The following LY6G5B variants were observed in gnomAD, a reference collection of about 807,000 sequenced individuals.
LY6G5B encodes the protein lymphocyte antigen 6 complex locus protein G5b.
Under a neutral mutation model 6.7 loss-of-function variants are expected in LY6G5B, and 6 were observed. That is an observed-to-expected ratio of 0.89 (90% CI 0.49 to 1.76). The LOEUF (loss-of-function observed/expected upper bound fraction) is 1.76, where lower values mean the gene tolerates loss of function less well. Among genes scored for constraint, LY6G5B ranks in the 40% most tolerant of loss-of-function variants. The pLI, the probability that LY6G5B is intolerant of heterozygous loss-of-function variation, is 0.01. For missense variants in LY6G5B, 240 were observed against 249.5 expected (o/e 0.96, Z 0.26); for synonymous variants, 98 against 99.4 (o/e 0.99, Z 0.09).
exon 1 of LY6G5B, chr6:31,670,660 A>G: frequency 2.2e-6 from 1 of 463,100 alleles, no homozygotes; most frequent in Admixed American, 3.8e-5. Flanking sequence ...ACAAAGGTAG[A>G]CACTGGATAA....
intron 1 of LY6G5B, 53 bp from the exon 2 acceptor site, chr6:31,671,103 C>T (rs1034374425): frequency 1.5e-5 from 24 of 1,612,638 alleles, no homozygotes; most frequent in Non-Finnish European, 2.0e-5. Context: ...TCCTACTGGC[C>T]CAGGGTATTT....
At chr6:31,672,138 G>C in exon 3 of LY6G5B, 1 of 1,613,086 alleles carries the variant, frequency 6.2e-7, no homozygotes, top group East Asian at 2.2e-5. Flanking sequence ...CTGGGACGGA[G>C]CCTGATGGCC....
exon 3 of LY6G5B, chr6:31,672,281 G>C (rs1472659849): frequency 1.2e-6 from 2 of 1,610,542 alleles, no homozygotes; most frequent in Admixed American, 3.3e-5. Flanking sequence ...CACCCTTCCT[G>C]AATTCCACAG....
At chr6:31,671,250 C>T (rs1416754652) in exon 2 of LY6G5B, 1 of 1,613,838 alleles carries the variant, frequency 6.2e-7, no homozygotes, top group South Asian at 1.1e-5. Context: ...CCATCAGCAG[C>T]TCATCCCTGT....
chr6:31,672,235 C>CT lies in LY6G5B; in HGVS notation c.563dup (p.Leu188PhefsTer35). 6.2e-7 allele frequency: 1 copy of CT among 1,613,140 alleles called. No homozygotes were observed. The highest frequency in any genetic ancestry group is 8.5e-7 in the Non-Finnish European group (1 of 1,180,026). On this transcript the variant is annotated frameshift_variant, in exon 3 of 3. Transcript: ENST00000375864. LOFTEE classifies it low-confidence loss of function (END_TRUNC). The stretch of plus-strand genomic sequence containing the variant: ...GTACTTGTTCCTCAATAGTTCAGGA[C>CT]TTTTGGTTCTTCCCCAGGCTGGACT...
upstream of LY6G5B, chr6:31,670,024 C>T (rs1305332538): frequency 2.8e-5 from 27 of 967,566 alleles, no homozygotes; most frequent in Non-Finnish European, 3.7e-5. Context: ...TTAAAGGAGT[C>T]GTTATCGTGG....
At chr6:31,672,475 C>T (rs805266) in exon 3 of LY6G5B, 36,182 of 672,972 alleles carry the variant, frequency 0.054, 1,886 homozygotes, top group African/African-American at 0.2. Context: ...GACAAAGTCT[C>T]GCTCTGTCAC....
rs773210544 is a variant in LY6G5B at position 31,671,273 on chromosome 6, C to T, written c.176C>T (p.Thr59Ile). ...AGCTCATCCCTGTGCATGGTGATCA[C>T]CATCTATTATGGTAAATAAGGTCCC... The change falls in exon 2 of 3, where the codon ACC becomes ATC. Residue 59 changes from threonine to isoleucine, a missense_variant. Physicochemically the swap from Thr to Ile is moderately conservative, Grantham distance 89 (BLOSUM62 -1). Coordinates refer to ENST00000375864, the Ensembl canonical transcript of LY6G5B. 8 of 1,613,436 alleles carry T rather than the reference C, an allele frequency of 5.0e-6. No individual in the cohort carries two copies. The East Asian group carries it at 1.8e-4, about 36-fold the overall frequency.
chr6:31,671,347 T>C (rs1802202061), intron 2 of LY6G5B, 63 bp downstream of exon 2: 24 of 1,607,652 alleles, frequency 1.5e-5, no homozygotes, highest in Non-Finnish European at 1.8e-5. Flanking sequence ...TTCTCTCCTC[T>C]CACAGATCAG....
exon 1 of LY6G5B, chr6:31,670,877 A>T: frequency 6.7e-7 from 1 of 1,488,984 alleles, no homozygotes. Context: ...GCTTAGGATT[A>T]AGGAGCATGG....
exon 1 of LY6G5B, chr6:31,670,322 C>T (rs1380605268): frequency 9.8e-6 from 2 of 204,652 alleles, no homozygotes; most frequent in Non-Finnish European, 2.0e-5. Context: ...CTATGACTGT[C>T]TGTTTATACT....
rs569911847 is a variant in LY6G5B at position 31,670,418 on chromosome 6, C to T, written c.-533C>T. 13 of 171,046 alleles carry T rather than the reference C, an allele frequency of 7.6e-5. No homozygotes were observed. In the East Asian group the frequency reaches 1.0e-3, roughly 13 times the overall value. 10.6% of individuals were successfully genotyped at this position (171,046 alleles called of 1,614,324 possible). On this transcript the variant is annotated 5_prime_UTR_variant, in exon 1 of 3. In the 5' UTR this introduces an upstream ATG that the reference lacks. Transcript: ENST00000375864. ...AAGTCAGTATAACTAAAGGGTGGAA[C>T]GAGGTGGGACAAGGTCCGGAATTGC...
exon 3 of LY6G5B, chr6:31,672,350 A>G (rs1802298556): frequency 6.7e-7 from 1 of 1,490,910 alleles, no homozygotes; most frequent in African/African-American, 1.4e-5. Flanking sequence ...GAAAACACCC[A>G]CATTCTTTGG....
In LY6G5B at chr6:31,670,884, A is replaced by G; in HGVS notation, c.-67A>G. The G allele has an allele frequency of 1.3e-6, 2 of 1,510,652 alleles. No individual in the cohort carries two copies. The highest frequency in any genetic ancestry group is 1.8e-6 in the Non-Finnish European group (2 of 1,118,962). 93.6% of individuals were successfully genotyped at this position (1,510,652 alleles called of 1,614,324 possible). On this transcript the variant is annotated 5_prime_UTR_variant, in exon 1 of 3. It removes an upstream start codon present in the reference 5' UTR. Transcript: ENST00000375864. Reference sequence around the variant, plus strand: ...ACCCTGCAGCTTAGGATTAAGGAGCATGGTCACAGGAAGGTGGGGTTTCAG... The same window carrying G: ...ACCCTGCAGCTTAGGATTAAGGAGCGTGGTCACAGGAAGGTGGGGTTTCAG...
In LY6G5B at chr6:31,671,289, A is replaced by G. The variant is rs1255017013; in HGVS notation, c.187+5A>G. ...TGGTGATCACCATCTATTATGGTAA[A>G]TAAGGTCCCAGGAAGGGGCTGCTGG... On this transcript the variant is annotated splice_donor_5th_base_variant and intron_variant, in intron 2 of 2. Coordinates refer to ENST00000375864, the Ensembl canonical transcript of LY6G5B. The G allele has an allele frequency of 1.2e-6, 2 of 1,613,138 alleles. No homozygotes were observed. The highest frequency in any genetic ancestry group is 1.7e-6 in the Non-Finnish European group (2 of 1,179,962).
chr6:31,672,068 C>T (rs11758242), exon 3 of LY6G5B: 1 of 1,613,012 alleles, frequency 6.2e-7, no homozygotes, highest in Non-Finnish European at 8.5e-7. Flanking sequence ...CTGTCTGACT[C>T]CCAGATTCAG....
exon 1 of LY6G5B, chr6:31,670,959 C>A (rs1802163609): frequency 6.2e-7 from 1 of 1,608,926 alleles, no homozygotes; most frequent in Admixed American, 1.7e-5. Context: ...AAATGAAGGT[C>A]CATATGCTTG....
chr6:31,672,203 G>A (rs1018318235), exon 3 of LY6G5B: 16 of 1,612,940 alleles, frequency 9.9e-6, no homozygotes, highest in South Asian at 2.2e-5. Flanking sequence ...GCTGAGCTGC[G>A]CCGCATGTAC....
At chr6:31,671,419 T>G in intron 2 of LY6G5B, 135 bp downstream of exon 2, 1 of 1,312,284 alleles carries the variant, frequency 7.6e-7, no homozygotes, top group Non-Finnish European at 1.1e-6. Flanking sequence ...CTCATGCCTG[T>G]AACCCTAGCA....
Sources: allele counts gnomAD v4.1 joint callset, GRCh38; gene constraint gnomAD v4.1.1; transcripts MANE v1.5; gene names NCBI Gene and HGNC (gene_info 2026-07-23, HGNC 2026-07-21).